REV3L: variants seen among roughly 807,000 people sequenced by gnomAD.
REV3L encodes REV3 like, DNA directed polymerase zeta catalytic subunit.
Under a neutral mutation model 299.4 loss-of-function variants are expected in REV3L, and 69 were observed. That is an observed-to-expected ratio of 0.23 (90% confidence interval 0.19 to 0.28). The LOEUF (loss-of-function observed/expected upper bound fraction) is 0.28. REV3L is among the 10% of genes least tolerant of loss of function. The probability of loss-of-function intolerance (pLI) is 1.00; values close to 1 mark genes in which losing one functional copy is unlikely to be tolerated. For synonymous variants in REV3L, 1,238 were observed against 1,271.4 expected (o/e 0.97, Z 0.56); for missense variants, 3,128 against 3,693.8 (o/e 0.85, Z 3.97).
intron 1 of REV3L, among the ~76,000 whole-genome samples, chr6:111,478,586 A>C (rs1263253085): frequency 6.6e-6 from 1 of 151,622 alleles, no homozygotes; most frequent in African/African-American, 2.4e-5. Flanking sequence ...GATACACGCT[A>C]ATTTTCAAAA....
Position 111,377,970 on chromosome 6 carries a change from C to T in REV3L, c.1455-127G>A, listed in dbSNP as rs992317563. 8.5e-6 allele frequency: 6 copies of T among 709,620 alleles called. No homozygotes were observed. The African/African-American group carries it at 9.1e-5, about 11-fold the overall frequency. 44.0% of individuals were successfully genotyped at this position (709,620 alleles called of 1,614,324 possible). A position where few individuals can be genotyped will look rare whatever the true frequency, so the allele number is the denominator to read the frequency against. ...TAACTATAATAATGTATCTAAGTTA[C>T]TCTATAGTAAAACAATACAAAAAAT... On this transcript the variant is annotated intron_variant, in intron 11 of 31. Transcript: ENST00000368802.
intron 1 of REV3L, among the ~76,000 whole-genome samples, chr6:111,473,770 T>G (rs1315356437): frequency 3.9e-5 from 6 of 152,100 alleles, no homozygotes; most frequent in Non-Finnish European, 8.8e-5. Flanking sequence ...TATTCCCTCA[T>G]GTTTCGGGGG....
In REV3L at chr6:111,422,627, TATAC is replaced by T. The variant is rs1356386298; in HGVS notation, c.140-6159_140-6156del. On this transcript the variant is annotated intron_variant, in intron 1 of 31. Coordinates refer to ENST00000368802, the MANE Select transcript of REV3L (RefSeq NM_001372078.1). ...ATATATATATACACATATATATATA[TATAC>T]ACATATATATATATATACATATATA... 2.0e-3 allele frequency among the ~76,000 whole-genome samples: 60 copies of T among 30,168 alleles called. 7 individuals carry two copies. The highest frequency in any genetic ancestry group is 0.015 in the South Asian group (11 of 736). 19.8% of individuals were successfully genotyped at this position (30,168 alleles called of 152,430 possible).
At chr6:111,325,049 G>T (rs1304846381) in intron 25 of REV3L, among the ~76,000 whole-genome samples, 1 of 152,148 alleles carries the variant, frequency 6.6e-6, no homozygotes, top group African/African-American at 2.4e-5. Flanking sequence ...TTTTAGTAAA[G>T]ACGGGGTTTC....
intron 9 of REV3L, among the ~76,000 whole-genome samples, chr6:111,383,401 A>G (rs1781033056): frequency 6.6e-6 from 1 of 152,224 alleles, no homozygotes; most frequent in Non-Finnish European, 1.5e-5. Flanking sequence ...ACCAAAAAAC[A>G]AATTCAGCGA....
chr6:111,469,253 T>C (rs1791888984), intron 1 of REV3L, among the ~76,000 whole-genome samples: 1 of 152,206 alleles, frequency 6.6e-6, no homozygotes, highest in African/African-American at 2.4e-5. Context: ...GATACCTTAT[T>C]GTGCACTTAA....
At chr6:111,401,519 A>G (rs1401107238) in intron 4 of REV3L, among the ~76,000 whole-genome samples, 1 of 152,268 alleles carries the variant, frequency 6.6e-6, no homozygotes, top group Non-Finnish European at 1.5e-5. Context: ...TTAGTAAACT[A>G]TAAGTTGTCA....
intron 29 of REV3L, 87 bp downstream of exon 29, chr6:111,310,982 T>C (rs1772911237): frequency 9.7e-7 from 1 of 1,028,524 alleles, no homozygotes. Flanking sequence ...TTTGTGTCTG[T>C]GTCTATGGAC....
chr6:111,368,505 C>T lies in REV3L; in HGVS notation c.5760-477G>A, dbSNP rs371195218. On this transcript the variant is annotated intron_variant, in intron 13 of 31. Transcript: ENST00000368802. ...AAGCCAGTCAATTCAAATGAATCTT[C>T]GTACTCTCAAATTCCCTTAAACATT... Among the ~76,000 whole-genome samples, 27 of 152,232 alleles carry T rather than the reference C, an allele frequency of 1.8e-4. No homozygotes were observed. The South Asian group carries it at 4.6e-3, about 26-fold the overall frequency.
chr6:111,435,581 T>C (rs1459889795), intron 1 of REV3L, among the ~76,000 whole-genome samples: 1 of 152,186 alleles, frequency 6.6e-6, no homozygotes, highest in African/African-American at 2.4e-5. Context: ...CTTCAACAAA[T>C]GGTGCTGGGA....
chr6:111,372,681 C>T lies in REV3L; in HGVS notation c.5674G>A (p.Ala1892Thr). Residue 1892 changes from alanine (A) to threonine (T), a missense_variant, in exon 13 of 32, where the codon GCA becomes ACA. Ala to Thr is a moderately conservative substitution (Grantham distance 58). Coordinates refer to ENST00000368802, the MANE Select transcript of REV3L (RefSeq NM_001372078.1). ...GACAGGTCATGATCCAACAAAGTTG[C>T]CATAATTTCTTCCCTACTTGGGGGG... ...MSPPSREEIM[A>T]TLLDHDLSET... The T allele has an allele frequency of 6.3e-7, 1 of 1,586,568 alleles. No individual in the cohort carries two copies. Among genetic ancestry groups the T allele is most frequent in the Admixed American group, 1.8e-5 (1 of 56,540 alleles).
intron 1 of REV3L, among the ~76,000 whole-genome samples, chr6:111,467,397 G>T (rs1328955858): frequency 2.6e-5 from 4 of 152,178 alleles, no homozygotes; most frequent in African/African-American, 9.7e-5. Flanking sequence ...TACATTCTGT[G>T]TGTTTTTCTT....
chr6:111,475,300 A>G (rs1277283176), intron 1 of REV3L, among the ~76,000 whole-genome samples: 1 of 152,212 alleles, frequency 6.6e-6, no homozygotes, highest in Non-Finnish European at 1.5e-5. Flanking sequence ...CTTTTGCAGT[A>G]ACAAATAATG....
At chr6:111,444,620 A>G (rs1243384967) in intron 1 of REV3L, among the ~76,000 whole-genome samples, 2 of 152,208 alleles carry the variant, frequency 1.3e-5, no homozygotes, top group East Asian at 1.9e-4. Context: ...GACTGATAAT[A>G]TATCAAATGA....
At chr6:111,368,865 T>C (rs1779485424) in intron 13 of REV3L, among the ~76,000 whole-genome samples, 1 of 152,158 alleles carries the variant, frequency 6.6e-6, no homozygotes, top group East Asian at 1.9e-4. Flanking sequence ...TAGGGCATGA[T>C]TCCCCAAATG....
At chr6:111,347,859 G>C (rs1238473702) in intron 20 of REV3L, among the ~76,000 whole-genome samples, 1 of 152,148 alleles carries the variant, frequency 6.6e-6, no homozygotes, top group African/African-American at 2.4e-5. Context: ...GAGAAGCTGG[G>C]ACTGTATGTG....
At chr6:111,471,563 TTA>T (rs1026578149) in intron 1 of REV3L, among the ~76,000 whole-genome samples, 2 of 152,192 alleles carry the variant, frequency 1.3e-5, no homozygotes, top group African/African-American at 4.8e-5. Flanking sequence ...AAAGTAACAT[TTA>T]TGTTACTATG....
chr6:111,454,585 T>C (rs1789951940), intron 1 of REV3L, among the ~76,000 whole-genome samples: 1 of 152,124 alleles, frequency 6.6e-6, no homozygotes, highest in South Asian at 2.1e-4. Context: ...TAAACACTAT[T>C]CTATTGTTTG....
Position 111,479,509 on chromosome 6 carries a change from C to CTTT in REV3L, c.139+3238_139+3240dup, listed in dbSNP as rs397758175. 1.0e-3 allele frequency among the ~76,000 whole-genome samples: 136 copies of CTTT among 130,070 alleles called. 1 individual carries two copies. The highest frequency in any genetic ancestry group is 1.8e-3 in the East Asian group (8 of 4,360). The allele number at this position is 130,070 out of a possible 152,430, so 85.3% of individuals were successfully genotyped here. On this transcript the variant is annotated intron_variant, in intron 1 of 31. Coordinates refer to ENST00000368802, the MANE Select transcript of REV3L (RefSeq NM_001372078.1). ...TTCAAATCTGAATATCCCCCCCCGC[C>CTTT]TTTTTTTTTTTTTTTTTTAAGACAG...
Sources: allele counts gnomAD v4.1 joint callset (sites outside exome capture counted in the v4.1 genomes callset), GRCh38; gene constraint gnomAD v4.1.1; transcripts MANE v1.5; gene names NCBI Gene and HGNC (gene_info 2026-07-23, HGNC 2026-07-21).